PDZRN3: variants seen among roughly 807,000 people sequenced by gnomAD.
PDZRN3 encodes the protein E3 ubiquitin-protein ligase PDZRN3.
A neutral mutation model predicts 85.7 loss-of-function variants in PDZRN3; 38 were observed. The observed-to-expected ratio is 0.44, with a 90% CI of 0.34 to 0.58. The LOEUF is 0.58. Among genes scored for constraint, PDZRN3 ranks in the 20% least tolerant of loss-of-function variants. PDZRN3 has a pLI of 0.01. For missense variants in PDZRN3, 1,629 were observed against 1,506.4 expected (o/e 1.08, Z -1.35); for synonymous variants, 759 against 638.0 (o/e 1.19, Z -2.86).
At chr3:73,537,920 CT>C (rs961933253) in intron 3 of PDZRN3, among the ~76,000 whole-genome samples, 8 of 152,074 alleles carry the variant, frequency 5.3e-5, no homozygotes, top group South Asian at 2.1e-4. Flanking sequence ...ACCGTTGTGC[CT>C]GGTACAACTG....
intron 3 of PDZRN3, among the ~76,000 whole-genome samples, chr3:73,573,589 C>T (rs1025570766): frequency 3.9e-5 from 6 of 152,292 alleles, no homozygotes; most frequent in African/African-American, 1.4e-4. Context: ...GCATGACCCC[C>T]AAAGCTGAAA....
Position 73,509,797 on chromosome 3 carries a change from GACA to G in PDZRN3, c.918+92554_918+92556del, listed in dbSNP as rs140092313. 1.7e-3 allele frequency among the ~76,000 whole-genome samples: 257 copies of G among 152,290 alleles called. 1 individual carries two copies. The highest frequency in any genetic ancestry group is 6.0e-3 in the African/African-American group (250 of 41,554). On this transcript the variant is annotated intron_variant, in intron 3 of 9. Transcript: ENST00000263666. Reference sequence around the variant, plus strand: ...AAGACGCCTGAGTAAATACCAAACAGACAACTTCCTGCCTTGAATCCTGGCACG... The same window carrying G: ...AAGACGCCTGAGTAAATACCAAACAGACTTCCTGCCTTGAATCCTGGCACG...
At chr3:73,574,476 G>A (rs564255392) in intron 3 of PDZRN3, among the ~76,000 whole-genome samples, 3 of 151,354 alleles carry the variant, frequency 2.0e-5, no homozygotes, top group Admixed American at 6.6e-5. Context: ...TGGGGAGGGC[G>A]GAAATGGAGT....
intron 3 of PDZRN3, among the ~76,000 whole-genome samples, chr3:73,566,379 C>T (rs992455826): frequency 6.6e-6 from 1 of 152,126 alleles, no homozygotes; most frequent in Non-Finnish European, 1.5e-5. Context: ...AGAGAAAATA[C>T]TGAAGGAAAG....
chr3:73,418,260 T>A (rs1702131370), intron 3 of PDZRN3, among the ~76,000 whole-genome samples: 1 of 152,182 alleles, frequency 6.6e-6, no homozygotes, highest in Non-Finnish European at 1.5e-5. Flanking sequence ...AACACCTGAC[T>A]TATACATAGG....
intron 3 of PDZRN3, among the ~76,000 whole-genome samples, chr3:73,440,979 C>A (rs1311966411): frequency 6.6e-6 from 1 of 152,164 alleles, no homozygotes; most frequent in Non-Finnish European, 1.5e-5. Flanking sequence ...AAACCAGGGG[C>A]GGAAAGCCCT....
At chr3:73,413,941 A>G (rs748625305) in intron 3 of PDZRN3, among the ~76,000 whole-genome samples, 2 of 152,198 alleles carry the variant, frequency 1.3e-5, no homozygotes, top group African/African-American at 4.8e-5. Context: ...CAGGATGGAG[A>G]AAAACACTAG....
intron 3 of PDZRN3, among the ~76,000 whole-genome samples, chr3:73,467,991 A>T (rs1074805): frequency 0.27 from 40,368 of 151,982 alleles, 6,439 homozygotes; most frequent in African/African-American, 0.46. Flanking sequence ...GAGTTTCATT[A>T]TTTGCAAGAT....
chr3:73,544,972 T>C lies in PDZRN3; in HGVS notation c.918+57382A>G, dbSNP rs546344472. ...CCCATCTCCAATGCATGCACACATA[T>C]ATACAAATAACAGCAAAACAATAGA... On this transcript the variant is annotated intron_variant, in intron 3 of 9. Transcript: ENST00000263666. Among the ~76,000 whole-genome samples the C allele has an allele frequency of 9.2e-5, 14 of 151,982 alleles. No homozygotes were observed. In the South Asian group the frequency reaches 2.1e-3, roughly 23 times the overall value.
At chr3:73,504,789 G>C (rs1455818907) in intron 3 of PDZRN3, among the ~76,000 whole-genome samples, 1 of 152,190 alleles carries the variant, frequency 6.6e-6, no homozygotes, top group African/African-American at 2.4e-5. Context: ...TCACTAGCTT[G>C]TATATATAAA....
At chr3:73,542,836 G>A (rs1445049277) in intron 3 of PDZRN3, among the ~76,000 whole-genome samples, 2 of 152,076 alleles carry the variant, frequency 1.3e-5, no homozygotes, top group African/African-American at 4.8e-5. Context: ...ATCATTACAT[G>A]AGACACACAT....
At position 73,624,219 on chromosome 3, in the gene PDZRN3, C is replaced by G; in HGVS notation, c.607G>C (p.Ala203Pro). The change falls in exon 1 of 10, where the codon GCC (alanine) becomes CCC (proline). Residue 203 changes from alanine to proline, a missense_variant. Coordinates refer to ENST00000263666, the MANE Select transcript of PDZRN3 (RefSeq NM_015009.3). ...KREKSLVAQL[A>P]AAQLELQMTA... ...ATCTGCAGCTCAAGCTGCGCCGCGG[C>G]CAGCTGGGCCACCAGCGACTTCTCG... The G allele has an allele frequency of 6.7e-7, 1 of 1,486,552 alleles. No individual in the cohort carries two copies. The highest frequency in any genetic ancestry group is 8.9e-7 in the Non-Finnish European group (1 of 1,125,004). The allele number at this position is 1,486,552 out of a possible 1,614,324, so 92.1% of individuals were successfully genotyped here. A position where few individuals can be genotyped will look rare whatever the true frequency, so the allele number is the denominator to read the frequency against.
chr3:73,459,009 G>A (rs200346396), intron 3 of PDZRN3, among the ~76,000 whole-genome samples: 26 of 137,294 alleles, frequency 1.9e-4, no homozygotes, highest in South Asian at 1.5e-3. Flanking sequence ...AAAAAAAAAA[G>A]AAAAAAAAGA....
chr3:73,575,207 G>A (rs1702104984), intron 3 of PDZRN3, among the ~76,000 whole-genome samples: 1 of 152,148 alleles, frequency 6.6e-6, no homozygotes, highest in South Asian at 2.1e-4. Flanking sequence ...GGTACTTCTT[G>A]AGAAGTTCAC....
intron 3 of PDZRN3, among the ~76,000 whole-genome samples, chr3:73,542,623 A>C (rs926674130): frequency 1.8e-4 from 28 of 151,968 alleles, no homozygotes; most frequent in African/African-American, 6.3e-4. Context: ...AAAATACAAA[A>C]ATTAGCTGGG....
chr3:73,518,016 A>T (rs550850643), intron 3 of PDZRN3, among the ~76,000 whole-genome samples: 1 of 152,258 alleles, frequency 6.6e-6, no homozygotes, highest in South Asian at 2.1e-4. Flanking sequence ...GTATATACCC[A>T]AAAGAATGGA....
chr3:73,383,508 G>T lies in PDZRN3; in HGVS notation c.3058C>A (p.Leu1020Met). Residue 1020 changes from leucine to methionine, a missense_variant, in exon 10 of 10, where the codon CTG (leucine) becomes ATG (methionine). Transcript: ENST00000263666. ...TTCTTCATCATCTTTTTGTGGCTCAGTTCGAGAATGTTCATCTCCTTCCTG... is the reference window on the plus strand; with the variant it reads ...TTCTTCATCATCTTTTTGTGGCTCATTTCGAGAATGTTCATCTCCTTCCTG... ...DDRKEMNILE[L>M]SHKKMMKKRN... 1 of 1,614,142 alleles carries T rather than the reference G, an allele frequency of 6.2e-7. No homozygotes were observed. Among genetic ancestry groups the T allele is most frequent in the Non-Finnish European group, 8.5e-7 (1 of 1,180,000 alleles).
intron 3 of PDZRN3, among the ~76,000 whole-genome samples, chr3:73,425,794 C>T (rs1033051196): frequency 6.6e-6 from 1 of 151,964 alleles, no homozygotes; most frequent in Non-Finnish European, 1.5e-5. Flanking sequence ...AAAGATTGAC[C>T]AATGATGTTG....
intron 1 of PDZRN3, among the ~76,000 whole-genome samples, chr3:73,618,996 C>T (rs1702810614): frequency 6.6e-6 from 1 of 152,114 alleles, no homozygotes; most frequent in Non-Finnish European, 1.5e-5. Context: ...TCTGGAACAC[C>T]TTTTGATACA....
Sources: gnomAD v4.1 joint callset for allele counts (sites outside exome capture counted in the v4.1 genomes callset) on GRCh38, gnomAD v4.1.1 for gene constraint, MANE v1.5 for transcripts, NCBI Gene and HGNC (gene_info 2026-07-23, HGNC 2026-07-21) for gene names.